Variants in GRB10 observed in about 807,000 individuals in gnomAD.
The protein encoded by GRB10 is growth factor receptor bound protein 10, also known as growth factor receptor-bound protein 10.
A neutral mutation model predicts 80.9 loss-of-function variants in GRB10; 20 were observed. The observed-to-expected ratio is 0.25, with a 90% CI of 0.17 to 0.36. The LOEUF is 0.36. GRB10 is among the 10% of genes least tolerant of loss of function. GRB10 has a pLI of 1.00. For missense variants in GRB10, 548 were observed against 747.7 expected (o/e 0.73, Z 3.12); for synonymous variants, 291 against 291.5 (o/e 1.00, Z 0.02).
In GRB10 at chr7:50,619,189, T is replaced by A; in HGVS notation, c.758A>T (p.Glu253Val). ...FLFRKNYAKY[E>V]FFKNPMNFFP... The stretch of plus-strand genomic sequence containing the variant: ...ACTCACCATGGGATTTTTAAAGAAC[T>A]CGTATTTTGCGTAATTCTTCCTGAA... Residue 253 changes from glutamate (E) to valine (V), a missense_variant, in exon 9 of 19, where the codon GAG (glutamate) becomes GTG (valine). By Grantham distance (121) the Glu-to-Val change is moderately radical. Around this residue, in one of 4 missense-constraint regions of GRB10, gnomAD observed 270 missense variants for 433.6 expected, o/e 0.62. Transcript: ENST00000401949. The A allele has an allele frequency of 6.2e-7, 1 of 1,605,656 alleles. No homozygotes were observed. Among genetic ancestry groups the A allele is most frequent in the Non-Finnish European group, 8.5e-7 (1 of 1,172,240 alleles).
chr7:50,730,920 A>G (rs891014565), intron 4 of GRB10, among the ~76,000 whole-genome samples: 1 of 152,170 alleles, frequency 6.6e-6, no homozygotes, highest in Non-Finnish European at 1.5e-5. Flanking sequence ...GAGCTCACTG[A>G]CTGCACTCTC....
At chr7:50,692,837 G>A (rs1051188365) in intron 5 of GRB10, among the ~76,000 whole-genome samples, 1 of 152,126 alleles carries the variant, frequency 6.6e-6, no homozygotes, top group Non-Finnish European at 1.5e-5. Flanking sequence ...GGTGTGTGCA[G>A]GGTGGCTCCT....
At chr7:50,613,475 GGGA>G (rs1027100384) in intron 12 of GRB10, among the ~76,000 whole-genome samples, 35 of 152,290 alleles carry the variant, frequency 2.3e-4, no homozygotes, top group African/African-American at 8.2e-4. Context: ...CCTTTGGTGA[GGGA>G]GGAGAATTGT....
chr7:50,612,302 C>T lies in GRB10; in HGVS notation c.1194+439G>A, dbSNP rs148613643. 5.4e-3 allele frequency among the ~76,000 whole-genome samples: 822 copies of T among 152,286 alleles called. 10 individuals are homozygous for T. Among genetic ancestry groups the T allele is most frequent in the African/African-American group, 0.019 (778 of 41,558 alleles). ...ATTTTTCGAATCCTATTCTTCTAAT[C>T]TAGTGGTCTCAACCAGGGGCAATTC... is the stretch of plus-strand genomic sequence containing the variant. On this transcript the variant is annotated intron_variant, in intron 13 of 18. Transcript: ENST00000401949.
At chr7:50,618,576 AG>A (rs2051067709) in intron 9 of GRB10, among the ~76,000 whole-genome samples, 1 of 152,248 alleles carries the variant, frequency 6.6e-6, no homozygotes, top group East Asian at 1.9e-4. Context: ...CTACATTATC[AG>A]AGTCAGAAAT....
At position 50,782,521 on chromosome 7, in the gene GRB10, C is replaced by A. The variant is rs1197640181; in HGVS notation, c.-424G>T. On this transcript the variant is annotated 5_prime_UTR_variant, in exon 1 of 19. Transcript: ENST00000401949. The surrounding 1 kb of genome is among the most constrained non-coding windows in gnomAD (Gnocchi z 6.6). ...GGCCCGGCCCCCGCAGTGCCCGGCG[C>A]GTGGACAGCGCTCCGCATGGACAGC... The A allele has an allele frequency of 6.7e-6, 1 of 150,226 alleles. No homozygotes were observed. Among genetic ancestry groups the A allele is most frequent in the Non-Finnish European group, 1.5e-5 (1 of 67,358 alleles). The allele number at this position is 150,226 out of a possible 1,614,324, so 9.3% of individuals were successfully genotyped here.
chr7:50,763,036 T>A (rs900988655), intron 2 of GRB10, among the ~76,000 whole-genome samples: 2 of 150,940 alleles, frequency 1.3e-5, no homozygotes, highest in Non-Finnish European at 2.9e-5. Flanking sequence ...GAGAATGGCA[T>A]GAACCTGGGA....
intron 7 of GRB10, among the ~76,000 whole-genome samples, chr7:50,639,643 A>G (rs1472238970): frequency 6.6e-6 from 1 of 151,776 alleles, no homozygotes; most frequent in Non-Finnish European, 1.5e-5. Context: ...ACTGCACTCC[A>G]GCTTGGGCGA....
intron 7 of GRB10, among the ~76,000 whole-genome samples, chr7:50,666,766 C>T (rs1318907992): frequency 5.3e-5 from 8 of 151,840 alleles, no homozygotes; most frequent in South Asian, 2.1e-4. Context: ...CAGGGCCAGG[C>T]GCAGTGGCTC....
At chr7:50,611,546 C>A (rs1179502994) in intron 13 of GRB10, among the ~76,000 whole-genome samples, 1 of 152,134 alleles carries the variant, frequency 6.6e-6, no homozygotes, top group Non-Finnish European at 1.5e-5. Flanking sequence ...ATACAGGAAG[C>A]CAATCTGTGG....
intron 5 of GRB10, among the ~76,000 whole-genome samples, chr7:50,683,911 C>T (rs1350827360): frequency 6.6e-6 from 1 of 152,034 alleles, no homozygotes; most frequent in Non-Finnish European, 1.5e-5. Flanking sequence ...GTTAAAGGAC[C>T]AGGACAAGGC....
At chr7:50,706,801 T>C (rs1196063390) in intron 4 of GRB10, among the ~76,000 whole-genome samples, 1 of 152,186 alleles carries the variant, frequency 6.6e-6, no homozygotes, top group African/African-American at 2.4e-5. Context: ...AGCTAAGGGT[T>C]TGGGGCCAGT....
chr7:50,621,320 C>T (rs1039474342), intron 8 of GRB10, among the ~76,000 whole-genome samples: 2 of 152,214 alleles, frequency 1.3e-5, no homozygotes, highest in Non-Finnish European at 2.9e-5. Flanking sequence ...CCCAGGAACT[C>T]GGGATAACCG....
At chr7:50,685,406 C>T (rs2062000568) in intron 5 of GRB10, among the ~76,000 whole-genome samples, 1 of 152,154 alleles carries the variant, frequency 6.6e-6, no homozygotes, top group Non-Finnish European at 1.5e-5. Flanking sequence ...AGTTAAGTGG[C>T]AACTAAAGGA....
chr7:50,756,439 C>T (rs914240559), intron 2 of GRB10, among the ~76,000 whole-genome samples: 2 of 152,236 alleles, frequency 1.3e-5, no homozygotes, highest in South Asian at 4.1e-4. Flanking sequence ...CAGGCTACAA[C>T]CTTCGGCCCA....
intron 2 of GRB10, among the ~76,000 whole-genome samples, chr7:50,758,298 T>A (rs916803952): frequency 6.6e-6 from 1 of 151,998 alleles, no homozygotes; most frequent in African/African-American, 2.4e-5. Flanking sequence ...AGTTACAGAG[T>A]CTAAAGGGCT....
chr7:50,760,336 C>A (rs750779251), intron 2 of GRB10, among the ~76,000 whole-genome samples: 19 of 152,068 alleles, frequency 1.2e-4, no homozygotes, highest in Non-Finnish European at 2.1e-4. Flanking sequence ...CTATACAAAC[C>A]ATAAAATATC....
At position 50,782,452 on chromosome 7, in the gene GRB10, A is replaced by G. The variant is rs1190606966; in HGVS notation, c.-355T>C. On this transcript the variant is annotated 5_prime_UTR_variant, in exon 1 of 19. Coordinates refer to ENST00000401949, the MANE Select transcript of GRB10 (RefSeq NM_001350814.2). The surrounding 1 kb of genome is among the most constrained non-coding windows in gnomAD (Gnocchi z 6.6). The stretch of plus-strand genomic sequence containing the variant: ...GAGAGCGGGCGGCAGCACTGGCCGC[A>G]CGGGGTCGCTGCGTGTGCGCCGCCG... 6 of 148,514 alleles carry G rather than the reference A, an allele frequency of 4.0e-5. No homozygotes were observed. The highest frequency in any genetic ancestry group is 9.0e-5 in the Non-Finnish European group (6 of 66,674). 9.2% of individuals were successfully genotyped at this position (148,514 alleles called of 1,614,324 possible).
At chr7:50,679,942 T>C (rs1423605683) in intron 5 of GRB10, among the ~76,000 whole-genome samples, 1 of 152,252 alleles carries the variant, frequency 6.6e-6, no homozygotes, top group African/African-American at 2.4e-5. Context: ...GAAACAGCTT[T>C]CTGAACAACA....
Sources: allele counts gnomAD v4.1 joint callset (sites outside exome capture counted in the v4.1 genomes callset), GRCh38; gene constraint gnomAD v4.1.1; regional missense constraint gnomAD v4.1.1; non-coding constraint Gnocchi (gnomAD v3.1); transcripts MANE v1.5; gene names NCBI Gene and HGNC (gene_info 2026-07-23, HGNC 2026-07-21).